Variants in SLC27A4 observed in about 807,000 individuals in gnomAD.
The protein encoded by SLC27A4 is solute carrier family 27 member 4.
A neutral mutation model predicts 64.4 loss-of-function variants in SLC27A4; 33 were observed. The observed-to-expected ratio is 0.51, with a 90% CI of 0.39 to 0.68. SLC27A4 has a LOEUF of 0.68. SLC27A4 is among the 30% of genes least tolerant of loss of function. The pLI is 0.00. For missense variants in SLC27A4, 824 were observed against 883.5 expected (o/e 0.93, Z 0.85); for synonymous variants, 377 against 370.0 (o/e 1.02, Z -0.22).
chr9:128,358,277 A>G (rs1376706346), intron 12 of SLC27A4, among the ~76,000 whole-genome samples: 3 of 152,160 alleles, frequency 2.0e-5, no homozygotes, highest in South Asian at 4.1e-4. Context: ...AGCACTGTCC[A>G]ACAGAACTTT....
At chr9:128,346,219 GT>G (rs796438854) in intron 3 of SLC27A4, among the ~76,000 whole-genome samples, 1 of 144,184 alleles carries the variant, frequency 6.9e-6, no homozygotes. Flanking sequence ...AAAGTTTTTT[GT>G]TTTTTTTTGT....
Position 128,355,565 on chromosome 9 carries a change from A to C in SLC27A4, c.1627+3A>C. 1 of 1,609,848 alleles carries C rather than the reference A, an allele frequency of 6.2e-7. No homozygotes were observed. The highest frequency in any genetic ancestry group is 1.3e-5 in the African/African-American group (1 of 75,030). On this transcript the variant is annotated splice_donor_region_variant and intron_variant, in intron 11 of 12. Coordinates refer to ENST00000300456, the MANE Select transcript of SLC27A4 (RefSeq NM_005094.4). ...CGTGTATGGTGTCGAGGTGCCAGGT[A>C]TGTGCAGGCAGGCGCGAGGTGTGGG...
Position 128,350,378 on chromosome 9 carries a change from G to A in SLC27A4, c.782G>A (p.Ser261Asn). The A allele has an allele frequency of 1.2e-6, 2 of 1,613,586 alleles. No individual in the cohort carries two copies. Among genetic ancestry groups the A allele is most frequent in the Non-Finnish European group, 1.7e-6 (2 of 1,179,950 alleles). The part of the protein sequence containing the change: ...GLPKAAIVVH[S>N]RYYRMAALVY... ...CCCAAGGCCGCCATCGTGGTGCACAGCAGGTAAGGGGCAGGTGCCCAGGGT... is the reference window on the plus strand; with the variant it reads ...CCCAAGGCCGCCATCGTGGTGCACAACAGGTAAGGGGCAGGTGCCCAGGGT... The change falls in exon 5 of 13, where the codon AGC (serine) becomes AAC (asparagine). Residue 261 changes from serine to asparagine, a missense_variant. Coordinates refer to ENST00000300456, the MANE Select transcript of SLC27A4 (RefSeq NM_005094.4).
At chr9:128,350,460 G>A in intron 5 of SLC27A4, 24 bp from the exon 6 acceptor site, 1 of 1,612,956 alleles carries the variant, frequency 6.2e-7, no homozygotes, top group Non-Finnish European at 8.5e-7. Context: ...GGCCCGCTCA[G>A]CCCTTGGCCC....
At position 128,350,430 on chromosome 9, in the gene SLC27A4, GC is replaced by G. The variant is rs569290944; in HGVS notation, c.785+51del. On this transcript the variant is annotated intron_variant, in intron 5 of 12. Transcript: ENST00000300456. ...GGGTAGGCACAGGCAGGGCTGGGGA[GC>G]CTCCTTCTGCCTTTCTAGGGCCCGC... The G allele has an allele frequency of 4.2e-5, 68 of 1,611,500 alleles. No individual in the cohort carries two copies. In the African/African-American group the frequency reaches 6.1e-4, roughly 15 times the overall value.
Position 128,360,586 on chromosome 9 carries a change from AG to A in SLC27A4, c.*98del. The A allele has an allele frequency of 7.4e-7, 1 of 1,360,414 alleles. No homozygotes were observed. Among genetic ancestry groups the A allele is most frequent in the South Asian group, 1.2e-5 (1 of 83,294 alleles). 84.3% of individuals were successfully genotyped at this position (1,360,414 alleles called of 1,614,324 possible). On this transcript the variant is annotated 3_prime_UTR_variant, in exon 13 of 13. Coordinates refer to ENST00000300456, the MANE Select transcript of SLC27A4 (RefSeq NM_005094.4). ...TGGACAAGGCCAGACCAAAGCAAGC[AG>A]GGCCTGGCACCTCCATCCTGAGGTG...
At position 128,359,310 on chromosome 9, in the gene SLC27A4, G is replaced by A. The variant is rs868840912; in HGVS notation, c.1775-1024G>A. On this transcript the variant is annotated intron_variant, in intron 12 of 12. Coordinates refer to ENST00000300456, the MANE Select transcript of SLC27A4 (RefSeq NM_005094.4). ...TCAAGATCTGGGTGGGCAACATGGC[G>A]AAACCCCATCTCTACAAGAAATACA... Among the ~76,000 whole-genome samples the A allele has an allele frequency of 3.9e-5, 6 of 151,988 alleles. No homozygotes were observed. In the South Asian group the frequency reaches 6.2e-4, roughly 16 times the overall value.
intron 9 of SLC27A4, among the ~76,000 whole-genome samples, 184 bp from the exon 10 acceptor site, chr9:128,354,869 C>T (rs1011611715): frequency 6.7e-6 from 1 of 149,132 alleles, no homozygotes; most frequent in Non-Finnish European, 1.5e-5. Context: ...AGGAGAATTG[C>T]TTGAACCCAG....
intron 6 of SLC27A4, among the ~76,000 whole-genome samples, chr9:128,352,276 G>A (rs1215799103): frequency 6.6e-6 from 1 of 152,182 alleles, no homozygotes; most frequent in Non-Finnish European, 1.5e-5. Context: ...TGTCCCACGG[G>A]GCATCTGGGC....
chr9:128,357,910 G>A (rs1444864757), intron 12 of SLC27A4, among the ~76,000 whole-genome samples: 3 of 152,212 alleles, frequency 2.0e-5, no homozygotes, highest in Non-Finnish European at 4.4e-5. Flanking sequence ...TAGGACTTCA[G>A]TGTGGTTCTG....
chr9:128,345,115 A>T lies in SLC27A4; in HGVS notation c.162-40A>T, dbSNP rs1158487056. ...TAGGGTGTCAGGACCCCTCCCTCCC[A>T]ACCATGGCAGACACAGCGCCCTCTC... is the stretch of plus-strand genomic sequence containing the variant. On this transcript the variant is annotated intron_variant, in intron 2 of 12. Coordinates refer to ENST00000300456, the MANE Select transcript of SLC27A4 (RefSeq NM_005094.4). This position sits in a 1 kb window ranked among gnomAD's most constrained non-coding sequence, Gnocchi z 4.1. The T allele has an allele frequency of 6.2e-7, 1 of 1,612,366 alleles. No individual in the cohort carries two copies. Among genetic ancestry groups the T allele is most frequent in the South Asian group, 1.1e-5 (1 of 91,040 alleles).
At chr9:128,357,336 C>T (rs1832835820) in intron 12 of SLC27A4, among the ~76,000 whole-genome samples, 1 of 149,764 alleles carries the variant, frequency 6.7e-6, no homozygotes, top group Admixed American at 6.7e-5. Context: ...GAGGCTGAGA[C>T]AGGAGAATTG....
At chr9:128,343,621 AAG>A (rs938784997) in intron 2 of SLC27A4, among the ~76,000 whole-genome samples, 5 of 152,168 alleles carry the variant, frequency 3.3e-5, no homozygotes, top group Non-Finnish European at 7.3e-5. Flanking sequence ...TGAAAGGGTA[AAG>A]AGGAATTTTG....
chr9:128,347,829 C>T (rs1832678688), intron 3 of SLC27A4, among the ~76,000 whole-genome samples: 1 of 149,938 alleles, frequency 6.7e-6, no homozygotes, highest in South Asian at 2.1e-4. Flanking sequence ...TCAAGACCTG[C>T]CTGGACAATA....
rs1349445756 is a variant in SLC27A4 at position 128,353,099 on chromosome 9, G to A, written c.1062G>A (p.Gln354=). 2 of 1,614,094 alleles carry A rather than the reference G, an allele frequency of 1.2e-6. No homozygotes were observed. Among genetic ancestry groups the A allele is most frequent in the Non-Finnish European group, 1.7e-6 (2 of 1,180,042 alleles). The part of the protein sequence containing the change: ...QPPREAENQH[Q]VRMALGNGLR... ...CGCGGGAGGCAGAAAACCAGCACCAGGTTCGCATGGCACTAGGCAATGGCC... is the reference window on the plus strand; with the variant it reads ...CGCGGGAGGCAGAAAACCAGCACCAAGTTCGCATGGCACTAGGCAATGGCC... Residue 354 remains glutamine (Q), a synonymous_variant, in exon 8 of 13, where the codon CAG becomes CAA. Transcript: ENST00000300456. This position sits in a 1 kb window ranked among gnomAD's most constrained non-coding sequence, Gnocchi z 4.9.
In SLC27A4 at chr9:128,349,021, C is replaced by T. The variant is rs1282961231; in HGVS notation, c.715+318C>T. On this transcript the variant is annotated intron_variant, in intron 4 of 12. Coordinates refer to ENST00000300456, the MANE Select transcript of SLC27A4 (RefSeq NM_005094.4). The stretch of plus-strand genomic sequence containing the variant: ...GAATCCTGTGGACTCCGGGAACCTG[C>T]CTGGTCTGGGCTTTGGTTGGGGTTG... Among the ~76,000 whole-genome samples the T allele has an allele frequency of 6.4e-5, 8 of 124,782 alleles. No individual in the cohort carries two copies. In the East Asian group the frequency reaches 2.2e-3, roughly 35 times the overall value. The allele number at this position is 124,782 out of a possible 152,430, so 81.9% of individuals were successfully genotyped here.
At position 128,356,811 on chromosome 9, in the gene SLC27A4, G is replaced by T. The variant is rs146849708; in HGVS notation, c.1774+1015G>T. On this transcript the variant is annotated intron_variant, in intron 12 of 12. Coordinates refer to ENST00000300456, the MANE Select transcript of SLC27A4 (RefSeq NM_005094.4). ...ACAAACATAAAAATAAAAAAATTAG[G>T]CTGAGCATGGTGGCTCACACCTGTA... 8.8e-4 allele frequency among the ~76,000 whole-genome samples: 132 copies of T among 149,190 alleles called. 1 individual carries two copies. The highest frequency in any genetic ancestry group is 6.8e-3 in the Middle Eastern group (2 of 292).
chr9:128,342,276 G>C (rs2131248320), intron 1 of SLC27A4: 1 of 1,611,428 alleles, frequency 6.2e-7, no homozygotes, highest in Middle Eastern at 2.2e-4. Flanking sequence ...AATTCGATAA[G>C]TCGAAACTGA....
In SLC27A4 at chr9:128,340,532, C is replaced by G. The variant is rs1413379946; in HGVS notation, c.-313C>G. 5.9e-6 allele frequency: 1 copy of G among 170,910 alleles called. No homozygotes were observed. The highest frequency in any genetic ancestry group is 1.2e-5 in the Non-Finnish European group (1 of 81,402). The allele number at this position is 170,910 out of a possible 1,614,324, so 10.6% of individuals were successfully genotyped here. ...GGCTGGGGCCGAGCGGCGTCAGGCG[C>G]GCTGGGGCTGCGCTGCGCCGCCGGC... is the stretch of plus-strand genomic sequence containing the variant. On this transcript the variant is annotated 5_prime_UTR_variant, in exon 1 of 13. Transcript: ENST00000300456.
Sources: allele counts gnomAD v4.1 joint callset (sites outside exome capture counted in the v4.1 genomes callset), GRCh38; gene constraint gnomAD v4.1.1; non-coding constraint Gnocchi (gnomAD v3.1); transcripts MANE v1.5; gene names NCBI Gene and HGNC (gene_info 2026-07-23, HGNC 2026-07-21).